The following UBE2E3 variants were observed in gnomAD, a reference collection of about 807,000 sequenced individuals.
UBE2E3 encodes the protein ubiquitin conjugating enzyme E2 E3.
In UBE2E3, 5 loss-of-function variants were observed where a neutral mutation model predicts 23.6. The observed-to-expected ratio is 0.21, with a 90% confidence interval of 0.11 to 0.44. The LOEUF is 0.44. Ranked by LOEUF, UBE2E3 falls within the 20% of genes least tolerant of loss-of-function variation. The pLI is 0.99. For missense variants in UBE2E3, 81 were observed against 249.8 expected (o/e 0.32, Z 4.55); for synonymous variants, 78 against 87.5 (o/e 0.89, Z 0.60).
At chr2:181,004,444 C>T (rs1685084203) in intron 3 of UBE2E3, among the ~76,000 whole-genome samples, 1 of 152,012 alleles carries the variant, frequency 6.6e-6, no homozygotes, top group Non-Finnish European at 1.5e-5. Flanking sequence ...ACCATCCTGG[C>T]CAGCATGGTG....
intron 3 of UBE2E3, among the ~76,000 whole-genome samples, chr2:180,992,043 G>A (rs557594862): frequency 1.3e-5 from 2 of 152,282 alleles, no homozygotes; most frequent in East Asian, 3.9e-4. Flanking sequence ...TACTCATGAT[G>A]AAAGGGTATT....
At chr2:181,017,419 G>T (rs996436631) in intron 3 of UBE2E3, among the ~76,000 whole-genome samples, 2 of 151,974 alleles carry the variant, frequency 1.3e-5, no homozygotes, top group Non-Finnish European at 2.9e-5. Flanking sequence ...CATGAGGGGG[G>T]TGGAAACCAA....
chr2:181,013,065 A>G (rs1412302927), intron 3 of UBE2E3, among the ~76,000 whole-genome samples: 1 of 152,090 alleles, frequency 6.6e-6, no homozygotes, highest in Non-Finnish European at 1.5e-5. Flanking sequence ...GGACTCAAGT[A>G]ATCCTCCCAC....
chr2:181,012,758 G>A (rs1418685313), intron 3 of UBE2E3, among the ~76,000 whole-genome samples: 1 of 151,992 alleles, frequency 6.6e-6, no homozygotes, highest in Non-Finnish European at 1.5e-5. Flanking sequence ...TTTGAATTAT[G>A]GTGTTAAACC....
intron 3 of UBE2E3, among the ~76,000 whole-genome samples, chr2:181,037,217 C>T (rs1686321655): frequency 6.6e-6 from 1 of 152,120 alleles, no homozygotes; most frequent in Non-Finnish European, 1.5e-5. Context: ...ATATGTAGTA[C>T]ATACTTGATA....
At chr2:180,996,063 A>G (rs1462442876) in intron 3 of UBE2E3, among the ~76,000 whole-genome samples, 1 of 152,156 alleles carries the variant, frequency 6.6e-6, no homozygotes, top group Non-Finnish European at 1.5e-5. Context: ...AACCCATTGT[A>G]GTACTTCAGT....
chr2:181,042,352 C>T (rs1249656234), intron 3 of UBE2E3, among the ~76,000 whole-genome samples: 1 of 152,200 alleles, frequency 6.6e-6, no homozygotes, highest in Admixed American at 6.5e-5. Flanking sequence ...AGTGGCTGTG[C>T]TCTTCTGGTT....
At chr2:180,982,606 C>T (rs1235962980) in intron 2 of UBE2E3, among the ~76,000 whole-genome samples, 3 of 152,074 alleles carry the variant, frequency 2.0e-5, no homozygotes, top group Admixed American at 2.0e-4. Context: ...TTGACACTTC[C>T]AGAGATTAGC....
chr2:181,034,102 T>A (rs898504329), intron 3 of UBE2E3, among the ~76,000 whole-genome samples: 2 of 152,244 alleles, frequency 1.3e-5, no homozygotes, highest in Non-Finnish European at 2.9e-5. Flanking sequence ...GTTCAACCAT[T>A]GTGGAAGACA....
intron 3 of UBE2E3, among the ~76,000 whole-genome samples, chr2:180,992,855 A>G (rs943078717): frequency 3.3e-5 from 5 of 152,084 alleles, no homozygotes; most frequent in African/African-American, 1.2e-4. Flanking sequence ...TAGTAGAGAC[A>G]GGGTTTCACC....
At chr2:181,060,888 T>TTA (rs1491382636) in intron 5 of UBE2E3, 76 bp downstream of exon 5, 1 of 936,478 alleles carries the variant, frequency 1.1e-6, no homozygotes, top group Non-Finnish European at 1.4e-6. Flanking sequence ...TTTTTTTTTT[T>TTA]AGTTAGCTTT....
At chr2:181,004,805 A>ATG (rs1171288104) in intron 3 of UBE2E3, among the ~76,000 whole-genome samples, 1 of 152,224 alleles carries the variant, frequency 6.6e-6, no homozygotes, top group Non-Finnish European at 1.5e-5. Flanking sequence ...ATATATATAT[A>ATG]CGTAGTAGGT....
chr2:181,058,320 C>A (rs528090786), intron 4 of UBE2E3, among the ~76,000 whole-genome samples: 3 of 151,826 alleles, frequency 2.0e-5, no homozygotes, highest in African/African-American at 7.2e-5. Flanking sequence ...TTTGTACCTT[C>A]TGTGGGTATG....
intron 3 of UBE2E3, among the ~76,000 whole-genome samples, chr2:181,018,695 C>T (rs968078231): frequency 6.6e-6 from 1 of 151,328 alleles, no homozygotes; most frequent in African/African-American, 2.4e-5. Flanking sequence ...TCACACTTTC[C>T]CAGTCCTCCA....
At chr2:181,061,592 TA>T (rs372373335) in intron 5 of UBE2E3, among the ~76,000 whole-genome samples, 1 of 151,566 alleles carries the variant, frequency 6.6e-6, no homozygotes, top group Non-Finnish European at 1.5e-5. Flanking sequence ...TAATGGATAT[TA>T]AAATGATAGC....
chr2:181,002,597 A>G (rs62180117), intron 3 of UBE2E3, among the ~76,000 whole-genome samples: 35,344 of 152,196 alleles, frequency 0.23, 4,473 homozygotes, highest in Non-Finnish European at 0.28. Context: ...AACAAAGGAA[A>G]TGAATTTTAA....
At chr2:180,993,929 TA>T (rs1684751081) in intron 3 of UBE2E3, among the ~76,000 whole-genome samples, 1 of 152,180 alleles carries the variant, frequency 6.6e-6, no homozygotes, top group African/African-American at 2.4e-5. Context: ...GTATTGGTGT[TA>T]TTTGTTAGAT....
chr2:181,047,436 C>T (rs980184330), intron 3 of UBE2E3, among the ~76,000 whole-genome samples: 3 of 152,078 alleles, frequency 2.0e-5, no homozygotes, highest in African/African-American at 7.2e-5. Context: ...GTCTCTTTGA[C>T]ATACTTATCT....
chr2:180,994,471 A>G (rs958351757), intron 3 of UBE2E3, among the ~76,000 whole-genome samples: 1 of 152,186 alleles, frequency 6.6e-6, no homozygotes, highest in Non-Finnish European at 1.5e-5. Flanking sequence ...GTATTTCACT[A>G]TGCACTTTCA....
Sources: allele counts gnomAD v4.1 joint callset (sites outside exome capture counted in the v4.1 genomes callset), GRCh38; gene constraint gnomAD v4.1.1; transcripts MANE v1.5; gene names NCBI Gene and HGNC (gene_info 2026-07-23, HGNC 2026-07-21).